Variants in WHRN observed in about 807,000 individuals in gnomAD.
WHRN encodes CASK-interacting protein CIP98.
A neutral mutation model predicts 68.3 loss-of-function variants in WHRN; 41 were observed. The observed-to-expected ratio is 0.60, with a 90% confidence interval of 0.47 to 0.78. The LOEUF is 0.78. Among genes scored for constraint, WHRN ranks in the 30% least tolerant of loss-of-function variants. WHRN has a pLI of 0.00. For missense variants in WHRN, 1,243 were observed against 1,244.7 expected, an observed-to-expected ratio of 1.00 and a Z score of 0.02; for synonymous variants, 560 against 561.3, an observed-to-expected ratio of 1.00 and a Z score of 0.03.
At chr9:114,446,579 T>C (rs552548521) in intron 3 of WHRN, among the ~76,000 whole-genome samples, 5 of 152,208 alleles carry the variant, frequency 3.3e-5, no homozygotes, top group Non-Finnish European at 5.9e-5. Context: ...TTCTACTTTC[T>C]GCATGTGTTT....
At chr9:114,469,977 G>A (rs1841064775) in intron 2 of WHRN, among the ~76,000 whole-genome samples, 1 of 152,078 alleles carries the variant, frequency 6.6e-6, no homozygotes, top group Non-Finnish European at 1.5e-5. Context: ...TTTGCATCAC[G>A]TCTCCCTTTC....
At chr9:114,486,642 T>C (rs960684437) in intron 1 of WHRN, among the ~76,000 whole-genome samples, 2 of 151,968 alleles carry the variant, frequency 1.3e-5, no homozygotes, top group Non-Finnish European at 2.9e-5. Context: ...TCCACTTTAA[T>C]GTGAGCATAG....
intron 7 of WHRN, among the ~76,000 whole-genome samples, chr9:114,420,569 G>C (rs2132323520): frequency 1.3e-5 from 2 of 152,326 alleles, no homozygotes; most frequent in East Asian, 3.9e-4. Context: ...TGTGATGTCA[G>C]AGAAGCTGAA....
At chr9:114,416,637 G>A (rs984119245) in intron 7 of WHRN, among the ~76,000 whole-genome samples, 1 of 152,122 alleles carries the variant, frequency 6.6e-6, no homozygotes, top group African/African-American at 2.4e-5. Flanking sequence ...CATGCTTCCT[G>A]TACGGCCTAC....
intron 3 of WHRN, among the ~76,000 whole-genome samples, chr9:114,460,548 G>A (rs1206621155): frequency 2.0e-5 from 3 of 152,186 alleles, no homozygotes; most frequent in African/African-American, 7.2e-5. Context: ...AAGCTGGGGG[G>A]CAGGTGCAAA....
chr9:114,406,925 C>A, intron 8 of WHRN, 33 bp from the exon 9 acceptor site: 3 of 1,551,948 alleles, frequency 1.9e-6, no homozygotes, highest in South Asian at 2.4e-5. Context: ...GAGAAGGAGT[C>A]AGACCCCATC....
chr9:114,428,004 A>G (rs1290350648), intron 3 of WHRN, among the ~76,000 whole-genome samples: 1 of 152,164 alleles, frequency 6.6e-6, no homozygotes, highest in African/African-American at 2.4e-5. Context: ...CTGTATCCCC[A>G]GGGCCCAGCA....
intron 3 of WHRN, among the ~76,000 whole-genome samples, chr9:114,456,246 C>T (rs1839784670): frequency 6.6e-6 from 1 of 151,868 alleles, no homozygotes; most frequent in South Asian, 2.1e-4. Flanking sequence ...TAGAACTGTA[C>T]ATCACAGAGT....
intron 3 of WHRN, among the ~76,000 whole-genome samples, chr9:114,443,014 AGT>A (rs1209844969): frequency 6.6e-6 from 1 of 152,234 alleles, no homozygotes; most frequent in African/African-American, 2.4e-5. Flanking sequence ...CAGAATCTAG[AGT>A]GTGTTTCCAC....
intron 2 of WHRN, among the ~76,000 whole-genome samples, chr9:114,474,649 A>G (rs779406921): frequency 6.6e-5 from 10 of 151,974 alleles, no homozygotes; most frequent in African/African-American, 2.2e-4. Flanking sequence ...GCCTTCCCCA[A>G]TTTCTCTAGT....
intron 3 of WHRN, among the ~76,000 whole-genome samples, chr9:114,460,899 A>G (rs1840192580): frequency 6.6e-6 from 1 of 152,238 alleles, no homozygotes; most frequent in African/African-American, 2.4e-5. Flanking sequence ...CCATTTCAAT[A>G]TGCCTAATTC....
chr9:114,426,896 G>C (rs150652183), intron 3 of WHRN, among the ~76,000 whole-genome samples: 1 of 152,310 alleles, frequency 6.6e-6, no homozygotes, highest in African/African-American at 2.4e-5. Context: ...AGCAATAAAT[G>C]AGAAAATTAG....
At chr9:114,432,196 C>T (rs2132479962) in intron 3 of WHRN, among the ~76,000 whole-genome samples, 1 of 152,302 alleles carries the variant, frequency 6.6e-6, no homozygotes, top group African/African-American at 2.4e-5. Flanking sequence ...GAGTGACTGG[C>T]TCATGTTCAG....
intron 3 of WHRN, among the ~76,000 whole-genome samples, chr9:114,457,245 T>C (rs962620534): frequency 2.0e-5 from 3 of 152,140 alleles, no homozygotes; most frequent in Non-Finnish European, 4.4e-5. Flanking sequence ...GTAGGGGTGG[T>C]GGATTCCAGG....
rs546530531 is a variant in WHRN, at chr9:114,436,626, C to T, written c.964-10213G>A. On this transcript the variant is annotated intron_variant, in intron 3 of 11. Coordinates refer to ENST00000362057, the MANE Select transcript of WHRN (RefSeq NM_015404.4). ...GGTGGATCACCTGAGATCAGGTGTTCGAGACCAGCCTGGCCAACATGGTGA... is the reference window on the plus strand; with the variant it reads ...GGTGGATCACCTGAGATCAGGTGTTTGAGACCAGCCTGGCCAACATGGTGA... Among the ~76,000 whole-genome samples, 557 of 152,160 alleles carry T rather than the reference C, an allele frequency of 3.7e-3. 1 individual carries two copies. Among genetic ancestry groups the T allele is most frequent in the African/African-American group, 0.013 (534 of 41,508 alleles).
chr9:114,485,998 C>T (rs1264015782), intron 1 of WHRN, among the ~76,000 whole-genome samples: 1 of 152,048 alleles, frequency 6.6e-6, no homozygotes, highest in Non-Finnish European at 1.5e-5. Flanking sequence ...GGGGCAACAT[C>T]GCAAGATTCT....
chr9:114,477,038 G>A (rs1285881156), intron 2 of WHRN, among the ~76,000 whole-genome samples: 1 of 152,178 alleles, frequency 6.6e-6, no homozygotes, highest in African/African-American at 2.4e-5. Context: ...CAAGTTCCCT[G>A]GTGGGGAGAG....
intron 1 of WHRN, among the ~76,000 whole-genome samples, chr9:114,494,965 C>T (rs1843325141): frequency 6.6e-6 from 1 of 152,132 alleles, no homozygotes; most frequent in South Asian, 2.1e-4. Context: ...AGAGCAGGCT[C>T]CTCAGGGTGG....
At chr9:114,473,176 A>G (rs766332855) in intron 2 of WHRN, among the ~76,000 whole-genome samples, 6 of 152,240 alleles carry the variant, frequency 3.9e-5, no homozygotes, top group Non-Finnish European at 7.4e-5. Flanking sequence ...CTGTAGTGGA[A>G]TAAGACTTAG....
Sources: allele counts gnomAD v4.1 joint callset (sites outside exome capture counted in the v4.1 genomes callset), GRCh38; gene constraint gnomAD v4.1.1; transcripts MANE v1.5; gene names NCBI Gene and HGNC (gene_info 2026-07-23, HGNC 2026-07-21).